Variants in TNRC6A observed in about 807,000 individuals in gnomAD.
TNRC6A encodes trinucleotide repeat containing adaptor 6A, also known as trinucleotide repeat-containing gene 6A protein.
Under a neutral mutation model 221.2 loss-of-function variants are expected in TNRC6A, and 44 were observed. The observed-to-expected ratio is 0.20, with a 90% CI of 0.16 to 0.26. TNRC6A has a LOEUF of 0.26. TNRC6A is among the 10% of genes least tolerant of loss of function. TNRC6A has a pLI of 1.00. For missense variants in TNRC6A, 2,199 were observed against 2,404.4 expected (o/e 0.91, Z 1.79); for synonymous variants, 847 against 838.5 (o/e 1.01, Z -0.18).
intron 5 of TNRC6A, among the ~76,000 whole-genome samples, chr16:24,781,910 C>T (rs2057856705): frequency 6.6e-6 from 1 of 151,732 alleles, no homozygotes; most frequent in African/African-American, 2.4e-5. Flanking sequence ...GCAAGCTCTG[C>T]TTCCCAGGTT....
intron 2 of TNRC6A, among the ~76,000 whole-genome samples, chr16:24,681,917 G>A (rs139044034): frequency 7.2e-5 from 11 of 152,272 alleles, no homozygotes; most frequent in Admixed American, 5.2e-4. Flanking sequence ...ATGTTGCAAC[G>A]TGTTGCCAAA....
chr16:24,792,143 A>G (rs1335107257), intron 6 of TNRC6A, among the ~76,000 whole-genome samples: 1 of 152,250 alleles, frequency 6.6e-6, no homozygotes, highest in East Asian at 1.9e-4. Context: ...TGACTAAAAT[A>G]TCTCCAGAAA....
At chr16:24,720,715 AG>A (rs929277041) in intron 2 of TNRC6A, among the ~76,000 whole-genome samples, 1 of 144,398 alleles carries the variant, frequency 6.9e-6, no homozygotes, top group Non-Finnish European at 1.5e-5. Flanking sequence ...AAAGAAAGAA[AG>A]AAAAAAAAAA....
At chr16:24,820,694 C>A (rs1406590455) in intron 22 of TNRC6A, among the ~76,000 whole-genome samples, 3 of 152,170 alleles carry the variant, frequency 2.0e-5, no homozygotes, top group Non-Finnish European at 4.4e-5. Flanking sequence ...GCCATCTGGG[C>A]CTTGAAGACT....
At chr16:24,753,089 A>G (rs1016025363) in intron 3 of TNRC6A, among the ~76,000 whole-genome samples, 17 of 152,216 alleles carry the variant, frequency 1.1e-4, no homozygotes, top group African/African-American at 4.1e-4. Context: ...TAAATCACCA[A>G]GTCAGTATAA....
At chr16:24,715,729 T>C (rs2056301319) in intron 2 of TNRC6A, among the ~76,000 whole-genome samples, 1 of 151,830 alleles carries the variant, frequency 6.6e-6, no homozygotes, top group Non-Finnish European at 1.5e-5. Context: ...GTGATTCTTC[T>C]GCTTCTGCCT....
intron 2 of TNRC6A, among the ~76,000 whole-genome samples, chr16:24,692,214 C>T (rs1212709869): frequency 6.6e-6 from 1 of 152,090 alleles, no homozygotes; most frequent in Non-Finnish European, 1.5e-5. Flanking sequence ...GATCTTCATC[C>T]TTCTTGGTCT....
Position 24,806,738 on chromosome 16 carries a change from G to T in TNRC6A, c.4494G>T (p.Leu1498=), listed in dbSNP as rs769811564. 3 of 1,613,970 alleles carry T rather than the reference G, an allele frequency of 1.9e-6. No homozygotes were observed. In the African/African-American group the frequency reaches 4.0e-5, roughly 22 times the overall value. ...DNVMPHTTPE[L]QKGPSPINAF... is the part of the protein sequence containing the mutation. ...TCATGCCCCACACTACACCTGAGCT[G>T]CAAAAAGGGCCATCACCAATAAATG... The change falls in exon 17 of 25, where the codon CTG becomes CTT. Residue 1498 remains leucine (L), a synonymous_variant. Transcript: ENST00000395799.
chr16:24,697,562 G>T (rs1008824363), intron 2 of TNRC6A, among the ~76,000 whole-genome samples: 2 of 152,094 alleles, frequency 1.3e-5, no homozygotes, highest in Non-Finnish European at 2.9e-5. Flanking sequence ...GCACGCACCT[G>T]TAGTCCCAGC....
At position 24,791,280 on chromosome 16, in the gene TNRC6A, A is replaced by G; in HGVS notation, c.2638A>G (p.Ser880Gly). The change falls in exon 6 of 25, where the codon AGT (serine) becomes GGT (glycine). Residue 880 changes from serine (S) to glycine (G), a missense_variant. Ser to Gly is a moderately conservative substitution (Grantham distance 56). Coordinates refer to ENST00000395799, the MANE Select transcript of TNRC6A (RefSeq NM_014494.4). ...GAAATCCAGCTCAGGAGGTAGTGACAGTGACAGGTCCGTTTCCGGTTGGAA... is the reference window on the plus strand; with the variant it reads ...GAAATCCAGCTCAGGAGGTAGTGACGGTGACAGGTCCGTTTCCGGTTGGAA... ...NKKSSSGGSD[S>G]DRSVSGWNEL... 6.2e-7 allele frequency: 1 copy of G among 1,613,798 alleles called. No homozygotes were observed.
Position 24,733,017 on chromosome 16 carries a change from GA to G in TNRC6A, c.53+2718del, listed in dbSNP as rs549352774. Among the ~76,000 whole-genome samples the G allele has an allele frequency of 2.4e-3, 371 of 152,282 alleles. 2 individuals carry two copies. Among genetic ancestry groups the G allele is most frequent in the African/African-American group, 7.3e-3 (303 of 41,552 alleles). ...GGATTGCTTGAGGTCAGGAGTTCGA[GA>G]CCAGCCTGGCCAACATAGTGAAACC... On this transcript the variant is annotated intron_variant, in intron 2 of 24. Transcript: ENST00000395799.
At chr16:24,809,735 C>A (rs1327799721) in intron 18 of TNRC6A, among the ~76,000 whole-genome samples, 1 of 152,074 alleles carries the variant, frequency 6.6e-6, no homozygotes, top group Non-Finnish European at 1.5e-5. Context: ...TTCTCTTTGG[C>A]TTTTTACATT....
chr16:24,823,490 C>T lies in TNRC6A; in HGVS notation c.5572C>T (p.Arg1858Cys). Reference protein sequence around the residue: ...AEFASEEEISRFFAQSQSLTP... With the variant: ...AEFASEEEISCFFAQSQSLTP... Reference sequence around the variant, plus strand: ...GTTTGCCAGTGAAGAGGAGATCAGTCGTTTCTTTGCACAAAGCCAGTCTCT... The same window carrying T: ...GTTTGCCAGTGAAGAGGAGATCAGTTGTTTCTTTGCACAAAGCCAGTCTCT... The change falls in exon 25 of 25, where the codon CGT becomes TGT. Residue 1858 changes from arginine to cysteine, a missense_variant. Transcript: ENST00000395799. This position sits in a 1 kb window ranked among gnomAD's most constrained non-coding sequence, Gnocchi z 4.3. 3.1e-6 allele frequency: 5 copies of T among 1,614,070 alleles called. No individual in the cohort carries two copies. Among genetic ancestry groups the T allele is most frequent in the Non-Finnish European group, 3.4e-6 (4 of 1,179,998 alleles).
chr16:24,744,571 A>G (rs190149823), intron 2 of TNRC6A, among the ~76,000 whole-genome samples: 2 of 152,268 alleles, frequency 1.3e-5, no homozygotes, highest in Admixed American at 6.5e-5. Flanking sequence ...TTTTATTAGC[A>G]TAATTTATCG....
intron 4 of TNRC6A, among the ~76,000 whole-genome samples, chr16:24,758,734 C>A (rs1015939945): frequency 1.3e-5 from 2 of 152,098 alleles, no homozygotes; most frequent in African/African-American, 4.8e-5. Flanking sequence ...AGAGTTCTGC[C>A]TCCTTTATTT....
intron 4 of TNRC6A, among the ~76,000 whole-genome samples, chr16:24,772,493 TA>T (rs906592598): frequency 4.8e-4 from 69 of 142,706 alleles, no homozygotes; most frequent in African/African-American, 1.4e-3. Context: ...AAACCCTGCC[TA>T]AAAAAAAAAA....
In TNRC6A at chr16:24,826,134, A is replaced by C. The variant is rs1467028526; in HGVS notation, c.*2327A>C. ...GACCTTGGGGCTTTGAGTAGTATAT[A>C]ATTCATAACTGCGTTAATTGTATTG... On this transcript the variant is annotated 3_prime_UTR_variant, in exon 25 of 25. Transcript: ENST00000395799. 6.5e-6 allele frequency: 1 copy of C among 152,684 alleles called. No individual in the cohort carries two copies. The highest frequency in any genetic ancestry group is 1.5e-5 in the Non-Finnish European group (1 of 68,042). 9.5% of individuals were successfully genotyped at this position (152,684 alleles called of 1,614,324 possible). A position where few individuals can be genotyped will look rare whatever the true frequency, so the allele number is the denominator to read the frequency against.
chr16:24,757,217 G>A (rs925107938), intron 3 of TNRC6A, among the ~76,000 whole-genome samples: 9 of 152,046 alleles, frequency 5.9e-5, no homozygotes, highest in African/African-American at 1.7e-4. Context: ...CTAAAACTTA[G>A]CAAAGCACTT....
At position 24,789,851 on chromosome 16, in the gene TNRC6A, C is replaced by T. The variant is rs2058059786; in HGVS notation, c.1209C>T (p.Asn403=). ...IQCSTIGQMP[N]NQSINSKVSG... ...GCAGTACTATAGGCCAGATGCCTAA[C>T]AATCAGAGTATTAACTCTAAAGTGA... is the stretch of plus-strand genomic sequence containing the variant. The change falls in exon 6 of 25, where the codon AAC becomes AAT. Residue 403 remains asparagine (N), a synonymous_variant. Coordinates refer to ENST00000395799, the MANE Select transcript of TNRC6A (RefSeq NM_014494.4). 6.2e-7 allele frequency: 1 copy of T among 1,614,052 alleles called. No individual in the cohort carries two copies. Among genetic ancestry groups the T allele is most frequent in the South Asian group, 1.1e-5 (1 of 91,078 alleles).
Sources: allele counts gnomAD v4.1 joint callset (sites outside exome capture counted in the v4.1 genomes callset), GRCh38; gene constraint gnomAD v4.1.1; non-coding constraint Gnocchi (gnomAD v3.1); transcripts MANE v1.5; gene names NCBI Gene and HGNC (gene_info 2026-07-23, HGNC 2026-07-21).